CA10: variants seen among roughly 807,000 people sequenced by gnomAD.
CA10 encodes carbonic anhydrase-related protein 10.
CA10 carries 14 observed loss-of-function variants against 44.2 expected under a neutral mutation model. The observed-to-expected ratio is 0.32, with a 90% CI of 0.21 to 0.50. The LOEUF is 0.50. Ranked by LOEUF, CA10 falls within the 20% of genes least tolerant of loss-of-function variation. The probability of loss-of-function intolerance (pLI) is 0.99; values close to 1 mark genes in which losing one functional copy is unlikely to be tolerated. For synonymous variants in CA10, 159 were observed against 141.6 expected (o/e 1.12, Z -0.87); for missense variants, 350 against 409.7 (o/e 0.85, Z 1.26).
At chr17:51,794,308 T>TG (rs1207084481) in intron 3 of CA10, among the ~76,000 whole-genome samples, 1 of 152,206 alleles carries the variant, frequency 6.6e-6, no homozygotes, top group East Asian at 1.9e-4. Flanking sequence ...GAAAGAAAGC[T>TG]GCTGGAAGTG....
In CA10 at chr17:51,931,002, C is replaced by G. The variant is rs556166013; in HGVS notation, c.267G>C (p.Thr89=). ...DPFLTPLRIN[T]GGRKVSGTMY... is the part of the protein sequence containing the mutation. ...TATGGTGGCTTACCTTCCTGCCCCC[C>G]GTGTTGATGCGAAGAGGTGTCAGAA... The change falls in exon 3 of 9, where the codon ACG becomes ACC. Residue 89 remains threonine (T), a synonymous_variant. Transcript: ENST00000451037. 1.2e-6 allele frequency: 2 copies of G among 1,613,160 alleles called. No homozygotes were observed. The highest frequency in any genetic ancestry group is 1.7e-5 in the Admixed American group (1 of 59,960).
chr17:52,040,074 G>C (rs564235957), intron 2 of CA10, among the ~76,000 whole-genome samples: 2 of 152,062 alleles, frequency 1.3e-5, no homozygotes, highest in South Asian at 4.2e-4. Flanking sequence ...CTATCAGTTG[G>C]AGATGATATA....
chr17:51,822,818 T>G lies in CA10; in HGVS notation c.280-75000A>C, dbSNP rs75334567. 4.5e-3 allele frequency among the ~76,000 whole-genome samples: 691 copies of G among 152,244 alleles called. 6 individuals carry two copies. Among genetic ancestry groups the G allele is most frequent in the African/African-American group, 0.016 (655 of 41,552 alleles). Reference sequence around the variant, plus strand: ...GGCAGAAAAGGAGGGAAGAAGGTATTTGATGGGGGGTCCAAATATCATGTG... The same window carrying G: ...GGCAGAAAAGGAGGGAAGAAGGTATGTGATGGGGGGTCCAAATATCATGTG... On this transcript the variant is annotated intron_variant, in intron 3 of 8. Transcript: ENST00000451037.
intron 1 of CA10, among the ~76,000 whole-genome samples, chr17:52,109,496 A>G (rs1156375438): frequency 6.6e-6 from 1 of 152,210 alleles, no homozygotes; most frequent in African/African-American, 2.4e-5. Flanking sequence ...CTGTGTGGGA[A>G]ACATCGTAGA....
At chr17:51,962,226 T>C (rs532982460) in intron 2 of CA10, among the ~76,000 whole-genome samples, 2 of 152,344 alleles carry the variant, frequency 1.3e-5, no homozygotes, top group East Asian at 1.9e-4. Context: ...CACACTTTCC[T>C]GAATCAGGAG....
At chr17:51,990,357 CATTAAT>C (rs1324627194) in intron 2 of CA10, among the ~76,000 whole-genome samples, 3 of 152,004 alleles carry the variant, frequency 2.0e-5, no homozygotes, top group Non-Finnish European at 2.9e-5. Flanking sequence ...TATCATTTCA[CATTAAT>C]ATTAAGAAAA....
At chr17:51,980,281 G>C (rs543932468) in intron 2 of CA10, among the ~76,000 whole-genome samples, 3 of 152,154 alleles carry the variant, frequency 2.0e-5, no homozygotes, top group Non-Finnish European at 4.4e-5. Context: ...CCAGTGATCA[G>C]TAATGTTGAT....
At chr17:51,735,238 T>G (rs1916862084) in intron 4 of CA10, among the ~76,000 whole-genome samples, 1 of 152,212 alleles carries the variant, frequency 6.6e-6, no homozygotes. Flanking sequence ...TCATGTCTTT[T>G]GCAGTAACAT....
chr17:52,133,442 G>C (rs1989285522), intron 1 of CA10, among the ~76,000 whole-genome samples: 1 of 152,152 alleles, frequency 6.6e-6, no homozygotes, highest in Non-Finnish European at 1.5e-5. Context: ...AGTCAGTGAA[G>C]AGGTGGAAGG....
At chr17:52,018,187 T>C (rs1399038151) in intron 2 of CA10, among the ~76,000 whole-genome samples, 1 of 152,004 alleles carries the variant, frequency 6.6e-6, no homozygotes, top group Non-Finnish European at 1.5e-5. Context: ...AAGTGTGGGG[T>C]TGGAGCCCCC....
intron 6 of CA10, among the ~76,000 whole-genome samples, chr17:51,644,131 T>C (rs1328601503): frequency 6.6e-6 from 1 of 151,922 alleles, no homozygotes; most frequent in African/African-American, 2.4e-5. Context: ...CATTGATTTT[T>C]TTTGTAACTG....
At chr17:51,678,037 A>G (rs942178359) in intron 4 of CA10, among the ~76,000 whole-genome samples, 16 of 152,216 alleles carry the variant, frequency 1.1e-4, no homozygotes, top group Admixed American at 9.2e-4. Context: ...TATACCCACA[A>G]AATGGAATAT....
At chr17:52,008,330 G>A (rs1251947855) in intron 2 of CA10, among the ~76,000 whole-genome samples, 4 of 151,808 alleles carry the variant, frequency 2.6e-5, no homozygotes, top group Non-Finnish European at 4.4e-5. Context: ...TTTTAAGTGA[G>A]ATGGTTCAGA....
At chr17:51,839,325 T>C (rs934570840) in intron 3 of CA10, among the ~76,000 whole-genome samples, 2 of 151,700 alleles carry the variant, frequency 1.3e-5, no homozygotes, top group African/African-American at 4.8e-5. Flanking sequence ...ACCCCGTCTC[T>C]ACTTAAAATA....
At chr17:51,673,583 A>T (rs1274392705) in intron 4 of CA10, among the ~76,000 whole-genome samples, 1 of 152,168 alleles carries the variant, frequency 6.6e-6, no homozygotes, top group African/African-American at 2.4e-5. Flanking sequence ...GGTTCTTGCA[A>T]CTATTGCTGT....
chr17:51,665,332 G>A (rs1197869219), intron 4 of CA10, among the ~76,000 whole-genome samples: 1 of 152,154 alleles, frequency 6.6e-6, no homozygotes, highest in African/African-American at 2.4e-5. Flanking sequence ...AGTCAAAGGG[G>A]CTGAGTTTGA....
At chr17:51,993,990 C>A (rs1317346541) in intron 2 of CA10, among the ~76,000 whole-genome samples, 1 of 152,000 alleles carries the variant, frequency 6.6e-6, no homozygotes, top group Non-Finnish European at 1.5e-5. Flanking sequence ...AAAATAGGTA[C>A]ATATTTAATA....
intron 3 of CA10, among the ~76,000 whole-genome samples, chr17:51,831,686 A>G (rs1285442197): frequency 4.0e-5 from 3 of 75,888 alleles, no homozygotes; most frequent in Non-Finnish European, 9.4e-5. Flanking sequence ...CAGCAGCAGC[A>G]GCAGCAGCAG....
intron 3 of CA10, among the ~76,000 whole-genome samples, chr17:51,908,886 A>G (rs957158227): frequency 1.3e-5 from 2 of 152,196 alleles, no homozygotes; most frequent in African/African-American, 4.8e-5. Context: ...CCAAATGCAG[A>G]GAGAATCAAA....
Sources: allele counts gnomAD v4.1 joint callset (sites outside exome capture counted in the v4.1 genomes callset), GRCh38; gene constraint gnomAD v4.1.1; transcripts MANE v1.5; gene names NCBI Gene and HGNC (gene_info 2026-07-23, HGNC 2026-07-21).